RORA: variants seen among roughly 807,000 people sequenced by gnomAD.
RORA encodes the protein RAR related orphan receptor A.
A neutral mutation model predicts 69.5 loss-of-function variants in RORA; 7 were observed. That is an observed-to-expected ratio of 0.10 (90% CI 0.06 to 0.19). The LOEUF is 0.19. RORA is among the 10% of genes least tolerant of loss of function. RORA has a pLI of 1.00. For missense variants in RORA, 457 were observed against 663.0 expected (o/e 0.69, Z 3.41); for synonymous variants, 261 against 240.8 (o/e 1.08, Z -0.78).
In RORA at chr15:61,213,222, C is replaced by A. The variant is rs1567040168; in HGVS notation, c.166+15831G>T. Among the ~76,000 whole-genome samples the A allele has an allele frequency of 6.6e-6, 1 of 152,176 alleles. No homozygotes were observed. The highest frequency in any genetic ancestry group is 2.4e-5 in the African/African-American group (1 of 41,430). On this transcript the variant is annotated intron_variant, in intron 1 of 10. Coordinates refer to ENST00000335670, the MANE Select transcript of RORA (RefSeq NM_134261.3). This position sits in a 1 kb window ranked among gnomAD's most constrained non-coding sequence, Gnocchi z 4.1. Reference sequence around the variant, plus strand: ...CCATCATGTTCTTCCAACTCCACTTCCTGGGGAATCCTACCGCAGAGTCAA... The same window carrying A: ...CCATCATGTTCTTCCAACTCCACTTACTGGGGAATCCTACCGCAGAGTCAA...
chr15:60,580,298 C>G (rs1478793811), intron 2 of RORA, among the ~76,000 whole-genome samples: 1 of 152,152 alleles, frequency 6.6e-6, no homozygotes, highest in African/African-American at 2.4e-5. Context: ...TTAAGTAATG[C>G]ACACCTGATT....
chr15:61,153,721 T>A (rs567583106), intron 1 of RORA, among the ~76,000 whole-genome samples: 2 of 152,214 alleles, frequency 1.3e-5, no homozygotes, highest in Non-Finnish European at 1.5e-5. Context: ...TCTCTATTGC[T>A]ACATGCATCA....
chr15:60,561,082 G>GTTTTTTTTTTT (rs571970599), intron 2 of RORA, among the ~76,000 whole-genome samples: 4 of 122,050 alleles, frequency 3.3e-5, no homozygotes, highest in African/African-American at 9.2e-5. Context: ...TTTTGTTTTT[G>GTTTTTTTTTTT]TTTTTTTTTT....
chr15:60,635,798 T>C (rs2069826160), intron 2 of RORA, among the ~76,000 whole-genome samples: 1 of 152,200 alleles, frequency 6.6e-6, no homozygotes, highest in Admixed American at 6.5e-5. Flanking sequence ...CTCTGCATTT[T>C]CTTTTTAATT....
chr15:60,918,637 T>C (rs1425204229), intron 1 of RORA, among the ~76,000 whole-genome samples: 1 of 152,234 alleles, frequency 6.6e-6, no homozygotes, highest in Non-Finnish European at 1.5e-5. Context: ...TATCTTTTCA[T>C]TCCCAATTGA....
chr15:60,545,808 T>G (rs922401620), intron 2 of RORA, among the ~76,000 whole-genome samples: 10 of 152,222 alleles, frequency 6.6e-5, no homozygotes, highest in Admixed American at 6.5e-4. Flanking sequence ...TTCTTTAAGA[T>G]CCTTTATCAC....
intron 1 of RORA, among the ~76,000 whole-genome samples, chr15:61,219,688 T>A (rs900256983): frequency 4.6e-5 from 7 of 152,220 alleles, no homozygotes; most frequent in African/African-American, 1.7e-4. Context: ...CTAGTCACAG[T>A]CTTGCTGCTT....
chr15:60,868,506 C>A (rs1231584714), intron 1 of RORA, among the ~76,000 whole-genome samples: 1 of 152,132 alleles, frequency 6.6e-6, no homozygotes, highest in Non-Finnish European at 1.5e-5. Context: ...TTCTGTTGGG[C>A]TAGCAAGCCC....
intron 2 of RORA, among the ~76,000 whole-genome samples, chr15:60,621,986 C>T (rs1038814994): frequency 6.6e-6 from 1 of 151,724 alleles, no homozygotes; most frequent in Non-Finnish European, 1.5e-5. Flanking sequence ...AGGCGGAGGT[C>T]GTGGTGAGCC....
At chr15:61,104,271 C>T (rs546562825) in intron 1 of RORA, among the ~76,000 whole-genome samples, 6 of 152,208 alleles carry the variant, frequency 3.9e-5, no homozygotes, top group Admixed American at 2.0e-4. Flanking sequence ...AATTAACAAA[C>T]GCACCTAGGT....
intron 2 of RORA, among the ~76,000 whole-genome samples, chr15:60,543,007 TG>T (rs1257954381): frequency 1.4e-5 from 2 of 139,792 alleles, no homozygotes; most frequent in Non-Finnish European, 3.1e-5. Flanking sequence ...CCCCAACATG[TG>T]GGCCTACACA....
intron 1 of RORA, among the ~76,000 whole-genome samples, chr15:60,932,420 T>C (rs1024731919): frequency 1.3e-5 from 2 of 152,220 alleles, no homozygotes; most frequent in African/African-American, 4.8e-5. Flanking sequence ...AGCTCATTCA[T>C]AGGTAAGGAA....
intron 2 of RORA, among the ~76,000 whole-genome samples, chr15:60,573,345 C>T (rs886885399): frequency 1.3e-5 from 2 of 152,198 alleles, no homozygotes; most frequent in Non-Finnish European, 2.9e-5. Flanking sequence ...GCCTTTCATA[C>T]ATCTCTCAAC....
intron 1 of RORA, among the ~76,000 whole-genome samples, chr15:60,799,377 G>T (rs1006459861): frequency 6.6e-6 from 1 of 152,084 alleles, no homozygotes; most frequent in African/African-American, 2.4e-5. Flanking sequence ...ATTAGACTTT[G>T]TAAGCAGTTT....
intron 3 of RORA, among the ~76,000 whole-genome samples, chr15:60,517,935 G>A (rs1372542700): frequency 2.6e-5 from 4 of 152,130 alleles, no homozygotes; most frequent in African/African-American, 7.2e-5. Context: ...CTCTTCTGAC[G>A]ACCAAATCCC....
chr15:60,983,188 T>A (rs1894098320), intron 1 of RORA, among the ~76,000 whole-genome samples: 1 of 151,958 alleles, frequency 6.6e-6, no homozygotes, highest in African/African-American at 2.4e-5. Context: ...TGGTTGGACA[T>A]GTTTCATTAT....
intron 1 of RORA, among the ~76,000 whole-genome samples, chr15:60,829,358 G>T (rs1048396025): frequency 6.6e-6 from 1 of 152,196 alleles, no homozygotes; most frequent in African/African-American, 2.4e-5. Context: ...TCAGTGAGCA[G>T]GGGGCAGTGA....
chr15:60,558,259 G>A, intron 2 of RORA: 1 of 1,612,442 alleles, frequency 6.2e-7, no homozygotes, highest in Non-Finnish European at 8.5e-7. Context: ...ATCACCTGAA[G>A]ACAGGATACA....
At chr15:61,082,443 C>G (rs1310912997) in intron 1 of RORA, among the ~76,000 whole-genome samples, 1 of 152,162 alleles carries the variant, frequency 6.6e-6, no homozygotes, top group Non-Finnish European at 1.5e-5. Context: ...GAGCTGAGAT[C>G]ACACCATTGC....
Sources: gnomAD v4.1 joint callset for allele counts (sites outside exome capture counted in the v4.1 genomes callset) on GRCh38, gnomAD v4.1.1 for gene constraint, Gnocchi (gnomAD v3.1) non-coding constraint, MANE v1.5 for transcripts, NCBI Gene and HGNC (gene_info 2026-07-23, HGNC 2026-07-21) for gene names.